Variants in XPO5 observed in about 807,000 individuals in gnomAD.
The protein encoded by XPO5 is exportin-5.
In XPO5, 46 loss-of-function variants were observed where a neutral mutation model predicts 160.6. The ratio of observed to expected loss-of-function variants is 0.29; its 90% CI spans 0.23 to 0.37. The LOEUF is 0.37. Among genes scored for constraint, XPO5 ranks in the 10% least tolerant of loss-of-function variants. XPO5 has a pLI of 1.00. For missense variants in XPO5, 1,090 were observed against 1,463.9 expected, an observed-to-expected ratio of 0.74 and a Z score of 4.17; for synonymous variants, 537 against 519.3, an observed-to-expected ratio of 1.03 and a Z score of -0.46.
chr6:43,572,308 T>A (rs1428728443), intron 3 of XPO5, among the ~76,000 whole-genome samples, 198 bp downstream of exon 3: 1 of 152,234 alleles, frequency 6.6e-6, no homozygotes, highest in African/African-American at 2.4e-5. Context: ...AATTCTTAGA[T>A]GCAGGTGATC....
intron 21 of XPO5, among the ~76,000 whole-genome samples, chr6:43,532,114 G>A (rs1794028224): frequency 6.6e-6 from 1 of 152,196 alleles, no homozygotes; most frequent in African/African-American, 2.4e-5. Context: ...TATAGCAGGA[G>A]TTCCTGACTT....
rs1111786 is a variant in XPO5 at position 43,529,131 on chromosome 6, G to A, written c.2678-206C>T. 25,818 of 1,215,296 alleles carry A rather than the reference G, an allele frequency of 0.021. 349 individuals are homozygous for A. Among genetic ancestry groups the A allele is most frequent in the Non-Finnish European group, 0.027 (22,822 of 851,992 alleles). 75.3% of individuals were successfully genotyped at this position (1,215,296 alleles called of 1,614,324 possible). On this transcript the variant is annotated intron_variant, in intron 23 of 31. Transcript: ENST00000265351. The stretch of plus-strand genomic sequence containing the variant: ...TGAATTCCATTATACTCTTAGTTTA[G>A]CTGCATTTCCGTCAGGCTGCACATT...
At chr6:43,541,395 C>G (rs1381972311) in intron 20 of XPO5, among the ~76,000 whole-genome samples, 1 of 152,214 alleles carries the variant, frequency 6.6e-6, no homozygotes, top group Admixed American at 6.5e-5. Flanking sequence ...TATGTATGTA[C>G]TGTGTACCCA....
chr6:43,568,140 C>G (rs184271893), intron 6 of XPO5, among the ~76,000 whole-genome samples: 9 of 151,640 alleles, frequency 5.9e-5, no homozygotes, highest in Admixed American at 5.9e-4. Flanking sequence ...AACCCCGTCT[C>G]TACTAAAAAT....
chr6:43,560,162 G>T lies in XPO5; in HGVS notation c.1221+16C>A. 1.2e-6 allele frequency: 2 copies of T among 1,610,724 alleles called. No homozygotes were observed. The highest frequency in any genetic ancestry group is 1.1e-5 in the South Asian group (1 of 90,552). On this transcript the variant is annotated intron_variant, in intron 11 of 31. Coordinates refer to ENST00000265351, the MANE Select transcript of XPO5 (RefSeq NM_020750.3). ...TATTCACCTACATTCCACATGTTTA[G>T]ATTCCCATTATATACCTTGACCAAG...
At chr6:43,566,680 T>C in intron 7 of XPO5, 1 of 412,390 alleles carries the variant, frequency 2.4e-6, no homozygotes, top group Non-Finnish European at 5.0e-6. Flanking sequence ...CATGGTGGCG[T>C]GTGCCTATAG....
chr6:43,569,956 G>A (rs914969269), intron 5 of XPO5, among the ~76,000 whole-genome samples: 1 of 142,538 alleles, frequency 7.0e-6, no homozygotes, highest in Admixed American at 7.0e-5. Flanking sequence ...GGTGGCACAT[G>A]CCTGTAATCC....
intron 1 of XPO5, 32 bp downstream of exon 1, chr6:43,575,728 G>A: frequency 1.3e-6 from 2 of 1,585,028 alleles, no homozygotes; most frequent in Non-Finnish European, 1.7e-6. Context: ...GAGGGTGTCG[G>A]GACCGGCCCA....
At chr6:43,529,222 C>T (rs1441510810) in intron 23 of XPO5, 12 of 1,408,074 alleles carry the variant, frequency 8.5e-6, no homozygotes, top group South Asian at 1.1e-5. Context: ...AACAAACTCT[C>T]CTTCACCATT....
rs1349041031 is a variant in XPO5, at chr6:43,575,783, G to A, written c.82C>T (p.Arg28Cys). 21 of 1,613,490 alleles carry A rather than the reference G, an allele frequency of 1.3e-5. No homozygotes were observed. Among genetic ancestry groups the A allele is most frequent in the Non-Finnish European group, 1.8e-5 (21 of 1,179,672 alleles). ...TVMMDPNSTQ[R>C]YRLEALKFCE... Reference sequence around the variant, plus strand: ...ACCTTGAGGGCTTCCAGCCGGTAGCGCTGGGTGGAGTTGGGGTCCATCATG... The same window carrying A: ...ACCTTGAGGGCTTCCAGCCGGTAGCACTGGGTGGAGTTGGGGTCCATCATG... Residue 28 changes from arginine to cysteine, a missense_variant, in exon 1 of 32, where the codon CGC becomes TGC. Arg to Cys is a radical substitution (Grantham distance 180, BLOSUM62 -3). This residue lies in a region of XPO5 where 170 missense variants were observed against 227.0 expected (regional missense o/e 0.75). Transcript: ENST00000265351.
In XPO5 at chr6:43,536,545, T is replaced by G. The variant is rs552348895; in HGVS notation, c.2343-2538A>C. Among the ~76,000 whole-genome samples the G allele has an allele frequency of 5.3e-5, 8 of 151,306 alleles. No homozygotes were observed. The South Asian group carries it at 1.7e-3, about 32-fold the overall frequency. On this transcript the variant is annotated intron_variant, in intron 20 of 31. Coordinates refer to ENST00000265351, the MANE Select transcript of XPO5 (RefSeq NM_020750.3). ...AAGCCGAGGTGGGTGGATCACGAGG[T>G]CAGGAGTTCAAGACCAGTCTCTGGC...
At chr6:43,565,839 T>C in intron 7 of XPO5, 103 bp from the exon 8 acceptor site, 1 of 895,958 alleles carries the variant, frequency 1.1e-6, no homozygotes, top group African/African-American at 1.7e-5. Context: ...TAATTTCTTA[T>C]ATACCCCAGG....
intron 25 of XPO5, 110 bp from the exon 26 acceptor site, chr6:43,527,841 T>C (rs1310629492): frequency 1.7e-6 from 2 of 1,169,930 alleles, no homozygotes; most frequent in East Asian, 2.5e-5. Context: ...CTTTGGGTCT[T>C]CGTTTTATGC....
At chr6:43,556,325 A>T (rs1045384626) in intron 12 of XPO5, among the ~76,000 whole-genome samples, 8 of 152,046 alleles carry the variant, frequency 5.3e-5, no homozygotes, top group Admixed American at 5.2e-4. Flanking sequence ...AGAGTTCAAA[A>T]CCAGTTTGGG....
rs371791606 is a variant in XPO5, at chr6:43,572,572, C to A, written c.234G>T (p.Arg78=). Residue 78 remains arginine, a synonymous_variant, in exon 3 of 32, where the codon CGG becomes CGT. Transcript: ENST00000265351. ...LQILEHVVKF[R]WNGMSRLEKV... is the part of the protein sequence containing the mutation. ...TCTCCAATCGAGACATGCCGTTCCA[C>A]CGAAACCTGACCACCAAAATGCATA... The A allele has an allele frequency of 6.2e-6, 10 of 1,613,824 alleles. No individual in the cohort carries two copies. Among genetic ancestry groups the A allele is most frequent in the African/African-American group, 1.3e-5 (1 of 74,910 alleles).
At chr6:43,537,865 G>A (rs1443078101) in intron 20 of XPO5, among the ~76,000 whole-genome samples, 2 of 151,928 alleles carry the variant, frequency 1.3e-5, no homozygotes, top group African/African-American at 4.8e-5. Flanking sequence ...TCAGGAGTTT[G>A]AGACCAGCCT....
chr6:43,530,300 T>C (rs1793885324), intron 23 of XPO5, among the ~76,000 whole-genome samples: 1 of 151,808 alleles, frequency 6.6e-6, no homozygotes, highest in Non-Finnish European at 1.5e-5. Context: ...GGTGCACACC[T>C]GTAATCACAG....
At chr6:43,553,971 C>T (rs970947634) in intron 13 of XPO5, among the ~76,000 whole-genome samples, 2 of 152,188 alleles carry the variant, frequency 1.3e-5, no homozygotes, top group Middle Eastern at 3.2e-3. Context: ...ATACAAAATA[C>T]TGCTTCACAT....
At chr6:43,558,009 C>T (rs1391227968) in intron 12 of XPO5, among the ~76,000 whole-genome samples, 1 of 151,472 alleles carries the variant, frequency 6.6e-6, no homozygotes, top group Admixed American at 6.6e-5. Context: ...GCAGGAGAAT[C>T]GCTTGAACCC....
Sources: allele counts gnomAD v4.1 joint callset (sites outside exome capture counted in the v4.1 genomes callset), GRCh38; gene constraint gnomAD v4.1.1; regional missense constraint gnomAD v4.1.1; transcripts MANE v1.5; gene names NCBI Gene and HGNC (gene_info 2026-07-23, HGNC 2026-07-21).